SUSD5: variants seen among roughly 807,000 people sequenced by gnomAD.
SUSD5 encodes the protein sushi domain-containing protein 5.
A neutral mutation model predicts 29.5 loss-of-function variants in SUSD5; 33 were observed. The observed-to-expected ratio is 1.12, with a 90% confidence interval of 0.85 to 1.49. The LOEUF (loss-of-function observed/expected upper bound fraction) is 1.49, where lower values mean the gene tolerates loss of function less well. Among genes scored for constraint, SUSD5 ranks in the 40% most tolerant of loss-of-function variants. SUSD5 has a pLI of 0.00. For synonymous variants in SUSD5, 308 were observed against 325.3 expected (o/e 0.95, Z 0.57); for missense variants, 776 against 800.6 (o/e 0.97, Z 0.37).
intron 4 of SUSD5, among the ~76,000 whole-genome samples, chr3:33,156,458 G>A (rs2031054922): frequency 6.6e-6 from 1 of 152,170 alleles, no homozygotes; most frequent in Admixed American, 6.5e-5. Context: ...ACAACTAGGA[G>A]ACCAGAATGT....
intron 3 of SUSD5, among the ~76,000 whole-genome samples, chr3:33,205,511 T>C (rs765496252): frequency 1.3e-4 from 20 of 152,146 alleles, no homozygotes; most frequent in Non-Finnish European, 2.6e-4. Flanking sequence ...ACATATTGAG[T>C]TGCCCATGAC....
intron 4 of SUSD5, among the ~76,000 whole-genome samples, chr3:33,171,029 T>C (rs946594806): frequency 6.6e-6 from 1 of 152,218 alleles, no homozygotes; most frequent in Non-Finnish European, 1.5e-5. Context: ...CTGTGATAAC[T>C]AGTACCTATT....
intron 3 of SUSD5, among the ~76,000 whole-genome samples, chr3:33,202,402 A>T (rs910762326): frequency 2.6e-5 from 4 of 152,182 alleles, no homozygotes; most frequent in African/African-American, 4.8e-5. Context: ...GGGAGCATCC[A>T]GCTCTCTTTT....
At chr3:33,216,316 A>T (rs1053887887) in intron 1 of SUSD5, among the ~76,000 whole-genome samples, 4 of 152,172 alleles carry the variant, frequency 2.6e-5, no homozygotes, top group African/African-American at 9.6e-5. Flanking sequence ...TTCTTTATCT[A>T]CCAAACAAAT....
chr3:33,176,369 G>T (rs780182737), intron 3 of SUSD5, among the ~76,000 whole-genome samples: 8 of 152,290 alleles, frequency 5.3e-5, no homozygotes, highest in Middle Eastern at 3.4e-3. Flanking sequence ...ACCAAAGAGC[G>T]TGACTGCTGG....
intron 3 of SUSD5, among the ~76,000 whole-genome samples, chr3:33,182,251 A>G (rs568485810): frequency 5.9e-5 from 9 of 152,218 alleles, no homozygotes; most frequent in African/African-American, 2.2e-4. Context: ...TCATTCTGTT[A>G]TTGTTTTCTA....
At chr3:33,168,552 G>A in intron 4 of SUSD5, 1 of 985,498 alleles carries the variant, frequency 1.0e-6, no homozygotes, top group Non-Finnish European at 1.2e-6. Context: ...GTGAGGAGGT[G>A]TGCTGCCCCG....
chr3:33,172,076 C>A (rs1238090717), intron 4 of SUSD5, among the ~76,000 whole-genome samples: 1 of 152,064 alleles, frequency 6.6e-6, no homozygotes, highest in Non-Finnish European at 1.5e-5. Context: ...GAGTGATTAT[C>A]CAAACCCAGA....
At chr3:33,211,786 T>C (rs1464787482) in intron 2 of SUSD5, among the ~76,000 whole-genome samples, 1 of 152,224 alleles carries the variant, frequency 6.6e-6, no homozygotes, top group African/African-American at 2.4e-5. Flanking sequence ...GCCTGTGTTT[T>C]TGAGATCTTA....
intron 3 of SUSD5, among the ~76,000 whole-genome samples, chr3:33,180,616 G>A (rs1008300501): frequency 7.9e-5 from 12 of 152,168 alleles, no homozygotes; most frequent in Non-Finnish European, 1.8e-4. Context: ...CACTTAAGGT[G>A]AGGAGTCAAA....
Position 33,153,151 on chromosome 3 carries a change from G to A in SUSD5, c.1481C>T (p.Thr494Ile), listed in dbSNP as rs2030953632. The A allele has an allele frequency of 2.5e-6, 4 of 1,613,844 alleles. No homozygotes were observed. In the African/African-American group the frequency reaches 5.3e-5, roughly 22 times the overall value. ...ATLSYELTSSTLEILTVNTVK... is the reference protein window; with the variant it reads ...ATLSYELTSSILEILTVNTVK... ...AGTGTTCACTGTTAATATCTCCAGG[G>A]TGGAGCTGGTGAGCTCATAGGACAG... The change falls in exon 5 of 5, where the codon ACC becomes ATC. Residue 494 changes from threonine (T) to isoleucine (I), a missense_variant. Transcript: ENST00000309558.
chr3:33,160,447 C>T (rs948512088), intron 4 of SUSD5, among the ~76,000 whole-genome samples: 4 of 151,528 alleles, frequency 2.6e-5, no homozygotes, highest in Admixed American at 6.6e-5. Context: ...CCTAGCTACT[C>T]GGCAGGCTGA....
chr3:33,209,301 G>A (rs896906585), intron 2 of SUSD5, among the ~76,000 whole-genome samples: 2 of 152,090 alleles, frequency 1.3e-5, no homozygotes, highest in African/African-American at 4.8e-5. Flanking sequence ...GCTTTGCAGG[G>A]ATTCTTGAAT....
chr3:33,158,906 A>G (rs2031115109), intron 4 of SUSD5, among the ~76,000 whole-genome samples: 1 of 152,172 alleles, frequency 6.6e-6, no homozygotes, highest in Non-Finnish European at 1.5e-5. Context: ...ACTAGGGAAT[A>G]TTTTTTGTTG....
At chr3:33,154,817 G>A (rs1280257555) in intron 4 of SUSD5, among the ~76,000 whole-genome samples, 1 of 152,186 alleles carries the variant, frequency 6.6e-6, no homozygotes, top group African/African-American at 2.4e-5. Context: ...TCATGTAGTA[G>A]AAGGCTCAAG....
chr3:33,181,901 A>C (rs928451347), intron 3 of SUSD5, among the ~76,000 whole-genome samples: 7 of 152,202 alleles, frequency 4.6e-5, no homozygotes, highest in Non-Finnish European at 8.8e-5. Flanking sequence ...CACAATGACA[A>C]AATCATCTAC....
At chr3:33,190,063 A>C (rs2125626166) in intron 3 of SUSD5, among the ~76,000 whole-genome samples, 1 of 152,358 alleles carries the variant, frequency 6.6e-6, no homozygotes, top group Non-Finnish European at 1.5e-5. Context: ...GAACGTACTC[A>C]TTTAACCACA....
At position 33,217,793 on chromosome 3, in the gene SUSD5, T is replaced by A. The variant is rs982363921; in HGVS notation, c.112+893A>T. On this transcript the variant is annotated intron_variant, in intron 1 of 4. Transcript: ENST00000309558. Reference sequence around the variant, plus strand: ...ACGCATCCTAAATTGACGGAGGGCTTTTCTCTTTTATCAGTCTAATTCGTC... The same window carrying A: ...ACGCATCCTAAATTGACGGAGGGCTATTCTCTTTTATCAGTCTAATTCGTC... 2.0e-5 allele frequency among the ~76,000 whole-genome samples: 3 copies of A among 152,168 alleles called. No homozygotes were observed. The East Asian group carries it at 5.8e-4, about 29-fold the overall frequency.
chr3:33,213,760 C>G (rs562896615), intron 2 of SUSD5, among the ~76,000 whole-genome samples, 168 bp downstream of exon 2: 72 of 148,226 alleles, frequency 4.9e-4, no homozygotes, highest in Middle Eastern at 6.8e-3. Context: ...GGCAACAGAG[C>G]TAGACTCCAT....
Sources: gnomAD v4.1 joint callset for allele counts (sites outside exome capture counted in the v4.1 genomes callset) on GRCh38, gnomAD v4.1.1 for gene constraint, MANE v1.5 for transcripts, NCBI Gene and HGNC (gene_info 2026-07-23, HGNC 2026-07-21) for gene names.